OTOG: variants seen among roughly 807,000 people sequenced by gnomAD.
The protein encoded by OTOG is otogelin.
OTOG carries 296 observed loss-of-function variants against 313.8 expected under a neutral mutation model. The observed-to-expected ratio is 0.94, with a 90% CI of 0.86 to 1.04. The LOEUF is 1.04. OTOG is among the 50% of genes least tolerant of loss of function. The pLI is 0.00. For missense variants in OTOG, 3,948 were observed against 3,840.1 expected, an observed-to-expected ratio of 1.03 and a Z score of -0.74; for synonymous variants, 1,533 against 1,554.9, an observed-to-expected ratio of 0.99 and a Z score of 0.33.
intron 39 of OTOG, among the ~76,000 whole-genome samples, chr11:17,622,546 G>A (rs1853889916): frequency 6.6e-6 from 1 of 151,872 alleles, no homozygotes; most frequent in Admixed American, 6.6e-5. Context: ...CCCTTCCCCT[G>A]TGTCCGTGAG....
intron 8 of OTOG, 34 bp from the exon 9 acceptor site, chr11:17,558,151 G>T: frequency 6.5e-7 from 1 of 1,549,076 alleles, no homozygotes; most frequent in Non-Finnish European, 8.7e-7. Flanking sequence ...CAACCCCATC[G>T]CTGCCCCATC....
intron 39 of OTOG, among the ~76,000 whole-genome samples, chr11:17,617,705 T>C (rs1187967427): frequency 1.3e-5 from 2 of 152,186 alleles, no homozygotes; most frequent in African/African-American, 2.4e-5. Context: ...TTTCCCTGAC[T>C]AGCCTGGCTA....
chr11:17,595,814 A>T (rs562878561), intron 28 of OTOG, among the ~76,000 whole-genome samples: 1 of 152,178 alleles, frequency 6.6e-6, no homozygotes, highest in Non-Finnish European at 1.5e-5. Context: ...GTTGGGAATC[A>T]TGTGATCACA....
chr11:17,584,841 TTTATTGGAGTATCATATGATATTTTCCC>T (rs1300357455), intron 23 of OTOG, among the ~76,000 whole-genome samples: 1 of 152,258 alleles, frequency 6.6e-6, no homozygotes, highest in East Asian at 1.9e-4. Context: ...ATTGATTTTA[TTTATTGGAGTATCATATGATATTTTCCC>T]TTTATTTTAT....
At position 17,593,332 on chromosome 11, in the gene OTOG, G is replaced by A; in HGVS notation, c.3141+5G>A. ...GATGATGACTCCGGAAATCCTGTAA[G>A]GCTCAGTGCCTGTGAAGGTTGTGTA... On this transcript the variant is annotated splice_donor_5th_base_variant and intron_variant, in intron 26 of 55. Coordinates refer to ENST00000399397, the MANE Select transcript of OTOG (RefSeq NM_001292063.2). 1 of 1,550,510 alleles carries A rather than the reference G, an allele frequency of 6.4e-7. No homozygotes were observed. The highest frequency in any genetic ancestry group is 8.7e-7 in the Non-Finnish European group (1 of 1,146,918).
Position 17,591,575 on chromosome 11 carries a change from T to C in OTOG, c.2993T>C (p.Val998Ala). The part of the protein sequence containing the change: ...LPFDFVGACK[V>A]HLVKSTSDVS... The stretch of plus-strand genomic sequence containing the variant: ...TTTGACTTCGTGGGGGCATGCAAAG[T>C]GCACCTGGTCAAGGTGAGTTCCCGG... Residue 998 changes from valine to alanine, a missense_variant, in exon 25 of 56, where the codon GTG becomes GCG. By Grantham distance (64) the Val-to-Ala change is moderately conservative. Transcript: ENST00000399397. 2 of 1,550,650 alleles carry C rather than the reference T, an allele frequency of 1.3e-6. No individual in the cohort carries two copies. Among genetic ancestry groups the C allele is most frequent in the Non-Finnish European group, 1.7e-6 (2 of 1,147,014 alleles).
intron 23 of OTOG, among the ~76,000 whole-genome samples, chr11:17,581,862 G>T (rs1262362577): frequency 6.6e-6 from 1 of 152,114 alleles, no homozygotes; most frequent in Admixed American, 6.5e-5. Flanking sequence ...CACCAGCATT[G>T]CTGTGCTTCA....
Position 17,608,372 on chromosome 11 carries a change from CTG to C in OTOG, c.4234_4235del (p.Cys1412ProfsTer29). ...DACASPCFQTCRDPRAASCRD... is the reference protein window; with the variant it reads ...DACASPCFQTXRDPRAASCRD... The stretch of plus-strand genomic sequence containing the variant: ...CCTGTGCCAGCCCCTGCTTCCAAAC[CTG>C]CCGGGACCCACGGGCAGCCAGCTGC... On this transcript the variant is annotated frameshift_variant, in exon 34 of 56. Transcript: ENST00000399397. LOFTEE classifies it high-confidence loss of function. 1.3e-6 allele frequency: 2 copies of C among 1,547,088 alleles called. No individual in the cohort carries two copies. Among genetic ancestry groups the C allele is most frequent in the Non-Finnish European group, 1.7e-6 (2 of 1,145,654 alleles).
At chr11:17,575,778 G>C (rs1456959287) in intron 20 of OTOG, among the ~76,000 whole-genome samples, 1 of 152,186 alleles carries the variant, frequency 6.6e-6, no homozygotes, top group Non-Finnish European at 1.5e-5. Context: ...GTGCCTGGAG[G>C]CTCTCACCCC....
At chr11:17,591,647 G>A in intron 25 of OTOG, 59 bp downstream of exon 25, 1 of 1,538,908 alleles carries the variant, frequency 6.5e-7, no homozygotes, top group East Asian at 2.4e-5. Context: ...GGGCACTCTG[G>A]TGCTCTGGAC....
At chr11:17,596,790 A>C in intron 29 of OTOG, 61 bp from the exon 30 acceptor site, 1 of 1,455,054 alleles carries the variant, frequency 6.9e-7, no homozygotes, top group African/African-American at 1.4e-5. Flanking sequence ...CATCAGCTGA[A>C]AAGATGCAGA....
chr11:17,593,671 CA>C lies in OTOG; in HGVS notation c.3204del (p.Leu1069TrpfsTer40). 6.5e-7 allele frequency: 1 copy of C among 1,549,122 alleles called. No individual in the cohort carries two copies. Among genetic ancestry groups the C allele is most frequent in the East Asian group, 2.4e-5 (1 of 40,910 alleles). On this transcript the variant is annotated frameshift_variant, in exon 27 of 56. Transcript: ENST00000399397. LOFTEE classifies it high-confidence loss of function. ...EVHTWRVGFF[T>X]LVHFPQEHIT... ...CACACATGGCGAGTGGGATTTTTCA[CA>C]CTGGTGCATTTCCCACAGGAGCACA...
At chr11:17,603,335 G>A (rs1853300862) in intron 32 of OTOG, among the ~76,000 whole-genome samples, 1 of 152,158 alleles carries the variant, frequency 6.6e-6, no homozygotes, top group Non-Finnish European at 1.5e-5. Flanking sequence ...CCTGCCTGAC[G>A]AAGGGTGTCT....
At chr11:17,641,982 G>A (rs1202289936) in intron 52 of OTOG, 31 bp downstream of exon 52, 3 of 1,544,050 alleles carry the variant, frequency 1.9e-6, no homozygotes, top group Non-Finnish European at 2.6e-6. Context: ...CCACTTAGGA[G>A]GGTGTCCCAG....
chr11:17,634,418 G>GTTCTCCCCTCCTCCAA, intron 44 of OTOG, 137 bp downstream of exon 44: 2 of 979,440 alleles, frequency 2.0e-6, no homozygotes, highest in Non-Finnish European at 3.0e-6. Context: ...TTGGAGGAGG[G>GTTCTCCCCTCCTCCAA]GAGAACCCTC....
chr11:17,562,474 T>C (rs2134012718), intron 15 of OTOG, among the ~76,000 whole-genome samples: 1 of 152,362 alleles, frequency 6.6e-6, no homozygotes, highest in East Asian at 1.9e-4. Context: ...TAACTCTGTC[T>C]TTTAAGAGCA....
In OTOG at chr11:17,612,640, G is replaced by C; in HGVS notation, c.6313G>C (p.Asp2105His). 6.4e-7 allele frequency: 1 copy of C among 1,550,560 alleles called. No individual in the cohort carries two copies. The highest frequency in any genetic ancestry group is 1.2e-5 in the South Asian group (1 of 84,036). Residue 2105 changes from aspartate to histidine, a missense_variant, in exon 38 of 56, where the codon GAC (aspartate) becomes CAC (histidine). By Grantham distance (81) the Asp-to-His change is moderately conservative. Coordinates refer to ENST00000399397, the MANE Select transcript of OTOG (RefSeq NM_001292063.2). Reference protein sequence around the residue: ...ECACRCSIFPDLSFVTFDGSH... With the variant: ...ECACRCSIFPHLSFVTFDGSH... The stretch of plus-strand genomic sequence containing the variant: ...CCCAGGCCGGTGCTCAATCTTCCCT[G>C]ACCTGAGCTTCGTGACCTTCGATGG...
intron 24 of OTOG, among the ~76,000 whole-genome samples, chr11:17,587,299 G>A (rs937412509): frequency 6.6e-6 from 1 of 152,230 alleles, no homozygotes; most frequent in Admixed American, 6.5e-5. Context: ...CCTGTTCTGG[G>A]CCACACAGAG....
At position 17,610,944 on chromosome 11, in the gene OTOG, T is replaced by C. The variant is rs542965716; in HGVS notation, c.5644T>C (p.Leu1882=). Residue 1882 remains leucine (L), a synonymous_variant, in exon 36 of 56, where the codon TTG becomes CTG. Transcript: ENST00000399397. ...TCCAGGCCTGCTGCTGGGAGCCACATTGCCAACCTCTGGAGTCCTGCCTGT... is the reference window on the plus strand; with the variant it reads ...TCCAGGCCTGCTGCTGGGAGCCACACTGCCAACCTCTGGAGTCCTGCCTGT... ...TAPGLLLGAT[L]PTSGVLPVAE... is the part of the protein sequence containing the mutation. 18 of 1,550,446 alleles carry C rather than the reference T, an allele frequency of 1.2e-5. No individual in the cohort carries two copies. The African/African-American group carries it at 1.9e-4, about 16-fold the overall frequency.
Sources: gnomAD v4.1 joint callset for allele counts (sites outside exome capture counted in the v4.1 genomes callset) on GRCh38, gnomAD v4.1.1 for gene constraint, MANE v1.5 for transcripts, NCBI Gene and HGNC (gene_info 2026-07-23, HGNC 2026-07-21) for gene names.